The following SPTBN1 variants were observed in gnomAD, a reference collection of about 807,000 sequenced individuals.
SPTBN1 encodes the protein spectrin beta, non-erythrocytic 1, also known as spectrin beta chain, non-erythrocytic 1.
SPTBN1 carries 32 observed loss-of-function variants against 266.4 expected under a neutral mutation model. The ratio of observed to expected loss-of-function variants is 0.12; its 90% CI spans 0.09 to 0.16. SPTBN1 has a LOEUF of 0.16. Among genes scored for constraint, SPTBN1 ranks in the 10% least tolerant of loss-of-function variants. The pLI is 1.00. For synonymous variants in SPTBN1, 1,336 were observed against 1,162.2 expected, an observed-to-expected ratio of 1.15 and a Z score of -3.04; for missense variants, 2,296 against 3,067.1, an observed-to-expected ratio of 0.75 and a Z score of 5.94.
chr2:54,631,790 G>A (rs1218127536), intron 16 of SPTBN1, among the ~76,000 whole-genome samples, 179 bp downstream of exon 16: 1 of 152,192 alleles, frequency 6.6e-6, no homozygotes, highest in Non-Finnish European at 1.5e-5. Flanking sequence ...CGTTGTAGGG[G>A]ACAGGAATTG....
At chr2:54,583,258 A>G (rs1171820892) in intron 2 of SPTBN1, among the ~76,000 whole-genome samples, 1 of 152,046 alleles carries the variant, frequency 6.6e-6, no homozygotes, top group Non-Finnish European at 1.5e-5. Context: ...ATCTGTTCCC[A>G]TGCGGTATAA....
At chr2:54,641,545 G>T (rs566583166) in intron 18 of SPTBN1, among the ~76,000 whole-genome samples, 1 of 152,172 alleles carries the variant, frequency 6.6e-6, no homozygotes, top group African/African-American at 2.4e-5. Flanking sequence ...TAGGAAGTGC[G>T]TGCCTTTATT....
chr2:54,610,251 A>T (rs570522691), intron 3 of SPTBN1, among the ~76,000 whole-genome samples: 1 of 152,318 alleles, frequency 6.6e-6, no homozygotes, highest in East Asian at 1.9e-4. Flanking sequence ...TTAAAAATTA[A>T]TAGTCATGCC....
intron 1 of SPTBN1, among the ~76,000 whole-genome samples, chr2:54,474,573 A>G (rs1196975191): frequency 2.6e-5 from 4 of 152,174 alleles, no homozygotes; most frequent in Admixed American, 6.5e-5. Flanking sequence ...ATATGTAAGT[A>G]TTATTTACTA....
At chr2:54,488,611 C>T (rs1386039598) in intron 1 of SPTBN1, among the ~76,000 whole-genome samples, 2 of 152,052 alleles carry the variant, frequency 1.3e-5, no homozygotes, top group Admixed American at 1.3e-4. Context: ...TCTCAGATTT[C>T]AGTGTTGTGC....
chr2:54,580,155 C>G (rs1284897484), intron 2 of SPTBN1, among the ~76,000 whole-genome samples: 1 of 152,226 alleles, frequency 6.6e-6, no homozygotes, highest in Admixed American at 6.5e-5. Flanking sequence ...CACACGGAAC[C>G]TGAGAATATT....
At chr2:54,650,327 A>G (rs1055817769) in intron 26 of SPTBN1, among the ~76,000 whole-genome samples, 17 of 152,196 alleles carry the variant, frequency 1.1e-4, no homozygotes, top group African/African-American at 2.7e-4. Flanking sequence ...ATATTTTACT[A>G]TTTTTCATCA....
intron 1 of SPTBN1, among the ~76,000 whole-genome samples, chr2:54,492,544 G>T (rs1016759192): frequency 2.0e-5 from 3 of 152,038 alleles, no homozygotes; most frequent in African/African-American, 7.2e-5. Context: ...ACTGCCCTTT[G>T]CACCAACTGA....
In SPTBN1 at chr2:54,558,569, T is replaced by G; in HGVS notation, c.148+32003T>G. On this transcript the variant is annotated intron_variant, in intron 2 of 35. Coordinates refer to ENST00000356805, the MANE Select transcript of SPTBN1 (RefSeq NM_003128.3). The surrounding 1 kb of genome is among the most constrained non-coding windows in gnomAD (Gnocchi z 4.6). ...CACGGAAGAAGGGAAAGCAAGAAAT[T>G]AGATGCCTGTGTGGTAACTCCTCGC... 7.5e-7 allele frequency: 1 copy of G among 1,338,594 alleles called. No homozygotes were observed. Among genetic ancestry groups the G allele is most frequent in the Non-Finnish European group, 9.6e-7 (1 of 1,042,066 alleles). 82.9% of individuals were successfully genotyped at this position (1,338,594 alleles called of 1,614,324 possible).
At chr2:54,652,000 C>T (rs1468243806) in intron 26 of SPTBN1, among the ~76,000 whole-genome samples, 2 of 152,112 alleles carry the variant, frequency 1.3e-5, no homozygotes, top group African/African-American at 2.4e-5. Flanking sequence ...TACTGCTGTC[C>T]GTACCCCCCC....
chr2:54,467,812 A>T (rs1693716860), intron 1 of SPTBN1, among the ~76,000 whole-genome samples: 1 of 152,050 alleles, frequency 6.6e-6, no homozygotes, highest in Non-Finnish European at 1.5e-5. Flanking sequence ...TGGTTTTTTG[A>T]ATGGCTTATG....
chr2:54,616,320 A>G (rs1434021041), intron 5 of SPTBN1, 22 bp downstream of exon 5: 1 of 1,605,598 alleles, frequency 6.2e-7, no homozygotes, highest in Admixed American at 1.7e-5. Flanking sequence ...TGAAGAGGGT[A>G]TTGGGGCTGC....
At chr2:54,607,927 A>G (rs1676956877) in intron 3 of SPTBN1, among the ~76,000 whole-genome samples, 1 of 152,214 alleles carries the variant, frequency 6.6e-6, no homozygotes, top group South Asian at 2.1e-4. Context: ...CAGACTTAAA[A>G]TGGCCGCTTG....
Position 54,668,729 on chromosome 2 carries a change from A to T in SPTBN1, c.*160A>T, listed in dbSNP as rs370380241. ...GAGCATTTCGGGGGGGGTGGGGGAA[A>T]CACACCTAAACACTTTATCTCCAAG... On this transcript the variant is annotated 3_prime_UTR_variant, in exon 36 of 36. Coordinates refer to ENST00000356805, the MANE Select transcript of SPTBN1 (RefSeq NM_003128.3). The T allele has an allele frequency of 1.7e-5, 11 of 638,368 alleles. No homozygotes were observed. The African/African-American group carries it at 2.1e-4, about 12-fold the overall frequency. The allele number at this position is 638,368 out of a possible 1,614,324, so 39.5% of individuals were successfully genotyped here.
chr2:54,540,705 T>C lies in SPTBN1; in HGVS notation c.148+14139T>C, dbSNP rs531382408. 6.6e-6 allele frequency: 1 copy of C among 152,340 alleles called. No homozygotes were observed. Among genetic ancestry groups the C allele is most frequent in the South Asian group, 2.1e-4 (1 of 4,818 alleles). The allele number at this position is 152,340 out of a possible 1,614,324, so 9.4% of individuals were successfully genotyped here. A position where few individuals can be genotyped will look rare whatever the true frequency, so the allele number is the denominator to read the frequency against. ...TGCCTGTGTTATTCTCTGTCATCAT[T>C]AGCCTGGAGTACATGTTAGCAGTTG... On this transcript the variant is annotated intron_variant, in intron 2 of 35. Transcript: ENST00000356805. The surrounding 1 kb of genome is among the most constrained non-coding windows in gnomAD (Gnocchi z 5.6).
chr2:54,612,543 GC>G (rs1369413709), intron 4 of SPTBN1, among the ~76,000 whole-genome samples: 1 of 152,158 alleles, frequency 6.6e-6, no homozygotes, highest in Non-Finnish European at 1.5e-5. Context: ...AATTGTACTA[GC>G]CCTGGTAATC....
Position 54,628,272 on chromosome 2 carries a change from C to T in SPTBN1, c.1798+22C>T, listed in dbSNP as rs571773561. 5.4e-5 allele frequency: 86 copies of T among 1,599,460 alleles called. No homozygotes were observed. The South Asian group carries it at 8.4e-4, about 16-fold the overall frequency. ...GAAGGTAAGGATGGCCCATTCCAAG[C>T]ATTACCTCCGGGTCACCAGAGATTC... On this transcript the variant is annotated intron_variant, in intron 13 of 35. Transcript: ENST00000356805. The surrounding 1 kb of genome is among the most constrained non-coding windows in gnomAD (Gnocchi z 4.3).
intron 7 of SPTBN1, 37 bp from the exon 8 acceptor site, chr2:54,621,363 A>G: frequency 6.5e-7 from 1 of 1,528,946 alleles, no homozygotes; most frequent in Non-Finnish European, 9.1e-7. Flanking sequence ...GCACAGTAGC[A>G]TGCAACACAC....
chr2:54,510,599 A>C (rs1669807550), intron 1 of SPTBN1, among the ~76,000 whole-genome samples: 1 of 152,250 alleles, frequency 6.6e-6, no homozygotes, highest in South Asian at 2.1e-4. Context: ...CTTTGAAAGC[A>C]TTTTGAGATA....
Sources: allele counts gnomAD v4.1 joint callset (sites outside exome capture counted in the v4.1 genomes callset), GRCh38; gene constraint gnomAD v4.1.1; non-coding constraint Gnocchi (gnomAD v3.1); transcripts MANE v1.5; gene names NCBI Gene and HGNC (gene_info 2026-07-23, HGNC 2026-07-21).